NCOA2: variants seen among roughly 807,000 people sequenced by gnomAD.
NCOA2 encodes the protein nuclear receptor coactivator 2.
In NCOA2, 21 loss-of-function variants were observed where a neutral mutation model predicts 145.1. The observed-to-expected ratio is 0.14, with a 90% CI of 0.10 to 0.21. The LOEUF (loss-of-function observed/expected upper bound fraction) is 0.21. Ranked by LOEUF, NCOA2 falls within the 10% of genes least tolerant of loss-of-function variation. NCOA2 has a pLI of 1.00. For missense variants in NCOA2, 1,472 were observed against 1,837.6 expected, an observed-to-expected ratio of 0.80 and a Z score of 3.64; for synonymous variants, 619 against 637.5, an observed-to-expected ratio of 0.97 and a Z score of 0.44.
chr8:70,154,710 G>GA (rs1286972028), intron 11 of NCOA2, among the ~76,000 whole-genome samples: 1 of 152,046 alleles, frequency 6.6e-6, no homozygotes, highest in Admixed American at 6.6e-5. Context: ...GTCTGTTTTT[G>GA]TTTTTTTAAT....
chr8:70,243,206 T>C (rs1254620441), intron 2 of NCOA2, among the ~76,000 whole-genome samples: 3 of 135,916 alleles, frequency 2.2e-5, no homozygotes, highest in Admixed American at 2.2e-4. Flanking sequence ...CTGTAGAAGA[T>C]TATTTAAAAA....
chr8:70,350,070 C>G (rs1809032605), intron 1 of NCOA2, among the ~76,000 whole-genome samples: 1 of 152,080 alleles, frequency 6.6e-6, no homozygotes, highest in Non-Finnish European at 1.5e-5. Context: ...TAGCCAGACA[C>G]TTCATTATTT....
intron 15 of NCOA2, among the ~76,000 whole-genome samples, chr8:70,132,731 T>C (rs1189927573): frequency 6.6e-6 from 1 of 152,092 alleles, no homozygotes; most frequent in Non-Finnish European, 1.5e-5. Context: ...GCCTGGCTAA[T>C]TTTTTGTATT....
intron 2 of NCOA2, among the ~76,000 whole-genome samples, chr8:70,258,595 C>T (rs961475317): frequency 6.6e-6 from 1 of 152,158 alleles, no homozygotes; most frequent in African/African-American, 2.4e-5. Flanking sequence ...CCTTTAGATT[C>T]TACTTTTGCA....
intron 22 of NCOA2, among the ~76,000 whole-genome samples, chr8:70,120,336 C>G (rs976966395): frequency 6.6e-6 from 1 of 152,204 alleles, no homozygotes; most frequent in Non-Finnish European, 1.5e-5. Context: ...TGCAAGAGAT[C>G]TGCTGCTAGG....
chr8:70,131,783 A>ACCT, intron 16 of NCOA2, 54 bp downstream of exon 16: 1 of 1,514,610 alleles, frequency 6.6e-7, no homozygotes, highest in East Asian at 2.5e-5. Flanking sequence ...GAAAATGGAC[A>ACCT]CCTCTGCGCC....
chr8:70,203,674 CTT>C (rs1015673323), intron 4 of NCOA2, among the ~76,000 whole-genome samples: 5 of 152,108 alleles, frequency 3.3e-5, no homozygotes, highest in African/African-American at 1.2e-4. Context: ...TATTTGTGCT[CTT>C]ATATCTTTTG....
At chr8:70,443,942 T>C in the NCOA2 span, among the ~76,000 whole-genome samples, 1 of 152,176 alleles carries the variant, frequency 6.6e-6, no homozygotes, top group African/African-American at 2.4e-5. Context: ...TTAGATAAAT[T>C]GTATAGAACT....
chr8:70,334,112 T>C (rs1807348987), intron 1 of NCOA2, among the ~76,000 whole-genome samples: 2 of 152,222 alleles, frequency 1.3e-5, no homozygotes, highest in South Asian at 2.1e-4. Context: ...AATAGCTCTA[T>C]ATAGTGAACT....
chr8:70,237,953 G>C (rs985117186), intron 2 of NCOA2, among the ~76,000 whole-genome samples: 1 of 151,930 alleles, frequency 6.6e-6, no homozygotes, highest in African/African-American at 2.4e-5. Flanking sequence ...AATAACCAGG[G>C]GATTTTAGGT....
chr8:70,241,992 C>G (rs1194152451), intron 2 of NCOA2, among the ~76,000 whole-genome samples: 1 of 151,866 alleles, frequency 6.6e-6, no homozygotes, highest in African/African-American at 2.4e-5. Flanking sequence ...AACATGAAAG[C>G]AAAATTTGGA....
intron 9 of NCOA2, among the ~76,000 whole-genome samples, chr8:70,160,674 AGAGAGAGG>A (rs1224619896): frequency 2.8e-5 from 4 of 145,048 alleles, no homozygotes; most frequent in African/African-American, 1.1e-4. Flanking sequence ...AGAGAGAGAG[AGAGAGAGG>A]GAGAGAGAGA....
intron 9 of NCOA2, among the ~76,000 whole-genome samples, chr8:70,161,508 A>C (rs1030751282): frequency 6.6e-5 from 10 of 152,230 alleles, no homozygotes; most frequent in African/African-American, 2.4e-4. Flanking sequence ...GAATAGGATG[A>C]AAAGAATGAA....
Position 70,155,991 on chromosome 8 carries a change from T to A in NCOA2, c.2374A>T (p.Ser792Cys), listed in dbSNP as rs771331803. Residue 792 changes from serine (S) to cysteine (C), a missense_variant, in exon 11 of 23, where the codon AGC (serine) becomes TGC (cysteine). By Grantham distance (112) the Ser-to-Cys change is moderately radical. Around this residue, in one of 4 missense-constraint regions of NCOA2, gnomAD observed 953 missense variants for 1,062.1 expected, o/e 0.90. Transcript: ENST00000452400. ...CTTACCTGGTCACCAGGCTCAAAGC[T>A]CATCTCCTCCTTCTCAGTTTTCATT... ...IAMKTEKEEM[S>C]FEPGDQPGSE... 6.3e-7 allele frequency: 1 copy of A among 1,585,546 alleles called. No homozygotes were observed. The highest frequency in any genetic ancestry group is 8.6e-7 in the Non-Finnish European group (1 of 1,167,686).
At chr8:70,411,289 A>C in the NCOA2 span, among the ~76,000 whole-genome samples, 11 of 152,322 alleles carry the variant, frequency 7.2e-5, no homozygotes, top group South Asian at 2.3e-3. Context: ...ATGTGATAAA[A>C]GGGGAAAAAA....
At chr8:70,241,251 T>C (rs1381000149) in intron 2 of NCOA2, among the ~76,000 whole-genome samples, 1 of 152,158 alleles carries the variant, frequency 6.6e-6, no homozygotes, top group Non-Finnish European at 1.5e-5. Flanking sequence ...TAAGAAAATA[T>C]GCAACACACT....
chr8:70,114,212 G>A (rs1162650669), intron 22 of NCOA2, among the ~76,000 whole-genome samples: 1 of 152,140 alleles, frequency 6.6e-6, no homozygotes, highest in Non-Finnish European at 1.5e-5. Flanking sequence ...TTTTAGTAGA[G>A]ATGGGGTTTC....
chr8:70,382,895 A>G (rs1368515728), intron 1 of NCOA2, among the ~76,000 whole-genome samples: 1 of 152,204 alleles, frequency 6.6e-6, no homozygotes, highest in African/African-American at 2.4e-5. Flanking sequence ...AAGCTCAAAT[A>G]TGAGTTGATA....
intron 13 of NCOA2, among the ~76,000 whole-genome samples, chr8:70,142,339 C>T (rs535076907): frequency 5.3e-5 from 8 of 152,262 alleles, no homozygotes; most frequent in East Asian, 1.9e-4. Context: ...GCATTGTGGG[C>T]GTTTCTTCAC....
Sources: allele counts gnomAD v4.1 joint callset (sites outside exome capture counted in the v4.1 genomes callset), GRCh38; gene constraint gnomAD v4.1.1; regional missense constraint gnomAD v4.1.1; transcripts MANE v1.5; gene names NCBI Gene and HGNC (gene_info 2026-07-23, HGNC 2026-07-21).